The following MDH1 variants were observed in gnomAD, a reference collection of about 807,000 sequenced individuals.
The protein encoded by MDH1 is malate dehydrogenase 1, also known as malate dehydrogenase, cytoplasmic.
In MDH1, 15 loss-of-function variants were observed where a neutral mutation model predicts 38.7. The ratio of observed to expected loss-of-function variants is 0.39; its 90% CI spans 0.26 to 0.60. The LOEUF is 0.60. MDH1 is among the 20% of genes least tolerant of loss of function. MDH1 has a pLI of 0.56. For missense variants in MDH1, 368 were observed against 405.2 expected, an observed-to-expected ratio of 0.91 and a Z score of 0.79; for synonymous variants, 144 against 143.6, an observed-to-expected ratio of 1.00 and a Z score of -0.02.
At chr2:63,595,559 T>A (rs879703560) in intron 3 of MDH1, 40 bp downstream of exon 3, 21 of 1,269,166 alleles carry the variant, frequency 1.7e-5, no homozygotes, top group Non-Finnish European at 2.4e-5. Context: ...TGGTATTTGA[T>A]TTCTTACAAA....
intron 5 of MDH1, among the ~76,000 whole-genome samples, chr2:63,603,655 C>CTTTTT (rs11297982): frequency 1.7e-3 from 164 of 99,052 alleles, no homozygotes; most frequent in Non-Finnish European, 2.4e-3. Context: ...CAAGACATTT[C>CTTTTT]TTTTTTTTTT....
intron 1 of MDH1, among the ~76,000 whole-genome samples, chr2:63,592,491 C>T (rs1230601459): frequency 6.6e-6 from 1 of 152,128 alleles, no homozygotes; most frequent in East Asian, 1.9e-4. Flanking sequence ...GCTGGAACTA[C>T]AGCATCTGCC....
chr2:63,589,320 A>T, intron 1 of MDH1: 1 of 1,550,680 alleles, frequency 6.4e-7, no homozygotes, highest in Non-Finnish European at 8.7e-7. Context: ...GCATGACGGG[A>T]GGACAAAATG....
intron 4 of MDH1, 45 bp downstream of exon 4, chr2:63,597,619 G>A: frequency 7.5e-7 from 1 of 1,331,832 alleles, no homozygotes; most frequent in Admixed American, 3.0e-5. Context: ...ATTAGCATTT[G>A]AAACTTATGC....
At chr2:63,595,303 C>A (rs1709285979) in intron 2 of MDH1, 120 bp from the exon 3 acceptor site, 2 of 721,360 alleles carry the variant, frequency 2.8e-6, no homozygotes, top group Admixed American at 2.0e-5. Flanking sequence ...AAATAATCAT[C>A]ATGACTAATT....
chr2:63,602,934 CTTTTTTTTTTTTTT>C (rs370479356), intron 5 of MDH1, among the ~76,000 whole-genome samples: 6 of 131,610 alleles, frequency 4.6e-5, no homozygotes, highest in African/African-American at 1.6e-4. Context: ...TTTAACCGTT[CTTTTTTTTTTTTTT>C]TTTTTTTTTT....
At chr2:63,604,969 T>C in intron 6 of MDH1, 97 bp downstream of exon 6, 1 of 1,230,054 alleles carries the variant, frequency 8.1e-7, no homozygotes, top group Non-Finnish European at 1.1e-6. Flanking sequence ...TCTTTCACAG[T>C]TGCTCTGATG....
chr2:63,594,331 T>C (rs779684623), intron 1 of MDH1, 157 bp from the exon 2 acceptor site: 2 of 742,192 alleles, frequency 2.7e-6, no homozygotes, highest in Non-Finnish European at 5.0e-6. Context: ...CACGTAAATA[T>C]GCAGCACATT....
chr2:63,599,082 C>A (rs572289735), intron 4 of MDH1, 88 bp from the exon 5 acceptor site: 149 of 1,368,380 alleles, frequency 1.1e-4, no homozygotes, highest in Non-Finnish European at 1.1e-4. Context: ...ACAAAGGCTA[C>A]CTGTTAGACA....
In MDH1 at chr2:63,595,665, A is replaced by G. The variant is rs554776769; in HGVS notation, c.199+146A>G. ...AACTACCACTGTTTATTAACTACTTATGTATACCAAGGATAAATAAGGGTA... is the reference window on the plus strand; with the variant it reads ...AACTACCACTGTTTATTAACTACTTGTGTATACCAAGGATAAATAAGGGTA... On this transcript the variant is annotated intron_variant, in intron 3 of 8. Transcript: ENST00000233114. 3.7e-5 allele frequency: 23 copies of G among 620,206 alleles called. 1 individual carries two copies. Among genetic ancestry groups the G allele is most frequent in the African/African-American group, 3.3e-4 (18 of 54,114 alleles). 38.4% of individuals were successfully genotyped at this position (620,206 alleles called of 1,614,324 possible). A position where few individuals can be genotyped will look rare whatever the true frequency, so the allele number is the denominator to read the frequency against.
intron 1 of MDH1, chr2:63,591,051 T>C (rs1709193065): frequency 6.6e-6 from 1 of 152,218 alleles, no homozygotes; most frequent in Non-Finnish European, 1.5e-5. Context: ...AATATGTGGC[T>C]CTGTCTGTGG....
chr2:63,603,565 C>T (rs1709469714), intron 5 of MDH1, among the ~76,000 whole-genome samples: 1 of 151,286 alleles, frequency 6.6e-6, no homozygotes, highest in Admixed American at 6.6e-5. Flanking sequence ...ACAAATTATA[C>T]ATATACCTGA....
intron 8 of MDH1, 45 bp from the exon 9 acceptor site, chr2:63,606,817 G>A (rs369465135): frequency 2.1e-5 from 31 of 1,508,656 alleles, no homozygotes; most frequent in African/African-American, 4.2e-5. Flanking sequence ...CTTACTGAAA[G>A]ATCAGTTCCA....
chr2:63,598,570 T>C (rs968667602), intron 4 of MDH1, among the ~76,000 whole-genome samples: 4 of 152,240 alleles, frequency 2.6e-5, no homozygotes, highest in African/African-American at 9.6e-5. Flanking sequence ...TTTTAAGATT[T>C]TTTAAGTTGC....
chr2:63,607,127 C>A lies in MDH1; in HGVS notation c.*140C>A. On this transcript the variant is annotated 3_prime_UTR_variant, in exon 9 of 9. Transcript: ENST00000233114. ...TTTAAAGATTACGTGCTTCTTGGTA[C>A]AGGTTTGTGAATGACAGTTTATCGT... 1.3e-6 allele frequency: 1 copy of A among 762,108 alleles called. No homozygotes were observed. The highest frequency in any genetic ancestry group is 2.0e-6 in the Non-Finnish European group (1 of 508,792). 47.2% of individuals were successfully genotyped at this position (762,108 alleles called of 1,614,324 possible).
At chr2:63,600,551 AT>A (rs1709399123) in intron 5 of MDH1, among the ~76,000 whole-genome samples, 1 of 152,230 alleles carries the variant, frequency 6.6e-6, no homozygotes, top group African/African-American at 2.4e-5. Flanking sequence ...TCTTATGAGG[AT>A]TAAATAAGAT....
At chr2:63,597,266 C>CT (rs1709331828) in intron 3 of MDH1, 133 bp from the exon 4 acceptor site, 5 of 1,239,092 alleles carry the variant, frequency 4.0e-6, no homozygotes, top group Middle Eastern at 3.1e-4. Flanking sequence ...TCTCAGGCTC[C>CT]TGAAATGTAT....
At chr2:63,595,651 T>C (rs2305157) in intron 3 of MDH1, 132 bp downstream of exon 3, 491,685 of 632,990 alleles carry the variant, frequency 0.78, 193,696 homozygotes, top group East Asian at 0.98. Flanking sequence ...ACTACCACTG[T>C]TTATTAACTA....
intron 1 of MDH1, chr2:63,593,600 T>G: frequency 2.1e-6 from 1 of 471,690 alleles, no homozygotes; most frequent in Non-Finnish European, 4.4e-6. Flanking sequence ...CTGGGCTTAG[T>G]CACATCAGTG....
Sources: gnomAD v4.1 joint callset for allele counts (sites outside exome capture counted in the v4.1 genomes callset) on GRCh38, gnomAD v4.1.1 for gene constraint, MANE v1.5 for transcripts, NCBI Gene and HGNC (gene_info 2026-07-23, HGNC 2026-07-21) for gene names.